GLIS3: variants seen among roughly 807,000 people sequenced by gnomAD.
GLIS3 encodes GLIS family zinc finger 3.
In GLIS3, 53 loss-of-function variants were observed where a neutral mutation model predicts 78.6. The observed-to-expected ratio is 0.67, with a 90% CI of 0.54 to 0.85. The LOEUF (loss-of-function observed/expected upper bound fraction) is 0.85, where lower values mean the gene tolerates loss of function less well. Ranked by LOEUF, GLIS3 falls within the 40% of genes least tolerant of loss-of-function variation. The pLI is 0.00. For synonymous variants in GLIS3, 684 were observed against 509.9 expected (o/e 1.34, Z -4.60); for missense variants, 1,703 against 1,231.1 (o/e 1.38, Z -5.74).
At chr9:4,313,680 C>T (rs1817397770) in intron 2 of GLIS3, among the ~76,000 whole-genome samples, 1 of 152,170 alleles carries the variant, frequency 6.6e-6, no homozygotes, top group East Asian at 1.9e-4. Context: ...TCCAAACACA[C>T]CTTGAGTTTT....
chr9:4,235,524 G>A (rs1454378880), intron 2 of GLIS3, among the ~76,000 whole-genome samples: 1 of 152,148 alleles, frequency 6.6e-6, no homozygotes, highest in African/African-American at 2.4e-5. Context: ...CTTTTGGTAA[G>A]TGCCAAACAG....
At chr9:3,829,027 G>T (rs938555838) in intron 10 of GLIS3, among the ~76,000 whole-genome samples, 2 of 152,094 alleles carry the variant, frequency 1.3e-5, no homozygotes, top group African/African-American at 4.8e-5. Flanking sequence ...TAGTATGGAG[G>T]GCAGAATGGT....
At chr9:3,972,600 G>T (rs1818461542) in intron 4 of GLIS3, among the ~76,000 whole-genome samples, 1 of 152,022 alleles carries the variant, frequency 6.6e-6, no homozygotes, top group Non-Finnish European at 1.5e-5. Context: ...TTATCATAGG[G>T]TTACATTTCA....
chr9:4,062,915 C>CGA (rs746912893), intron 4 of GLIS3, among the ~76,000 whole-genome samples: 1 of 149,842 alleles, frequency 6.7e-6, no homozygotes, highest in Non-Finnish European at 1.5e-5. Flanking sequence ...GGTGACTGAG[C>CGA]GAGACTCCAT....
At chr9:3,873,053 T>C (rs540475021) in intron 8 of GLIS3, among the ~76,000 whole-genome samples, 1 of 152,222 alleles carries the variant, frequency 6.6e-6, no homozygotes, top group East Asian at 1.9e-4. Flanking sequence ...ATAAAAAACC[T>C]GAACAGACCA....
At chr9:4,090,778 A>T (rs1379230576) in intron 4 of GLIS3, among the ~76,000 whole-genome samples, 2 of 152,200 alleles carry the variant, frequency 1.3e-5, no homozygotes, top group Non-Finnish European at 2.9e-5. Flanking sequence ...TAAACATAGC[A>T]CAAAACACAC....
At chr9:3,864,788 G>A (rs780436076) in intron 8 of GLIS3, among the ~76,000 whole-genome samples, 3 of 152,182 alleles carry the variant, frequency 2.0e-5, no homozygotes, top group Non-Finnish European at 4.4e-5. Context: ...TACACAATTA[G>A]TGAAGGGCGT....
At chr9:3,951,807 G>C (rs1383124189) in intron 4 of GLIS3, among the ~76,000 whole-genome samples, 1 of 148,964 alleles carries the variant, frequency 6.7e-6, no homozygotes, top group Non-Finnish European at 1.5e-5. Flanking sequence ...CCTCAACAGG[G>C]AAAAGAGGAG....
intron 2 of GLIS3, among the ~76,000 whole-genome samples, chr9:4,227,083 G>A (rs1184296948): frequency 2.0e-5 from 3 of 152,202 alleles, no homozygotes; most frequent in African/African-American, 7.2e-5. Flanking sequence ...GAATGACACA[G>A]CAGTTCTGGG....
chr9:4,439,193 T>C, the GLIS3 span, among the ~76,000 whole-genome samples: 1 of 152,216 alleles, frequency 6.6e-6, no homozygotes, highest in East Asian at 1.9e-4. Context: ...AAAATTTTTG[T>C]ATTCCAAAAG....
At chr9:4,176,398 G>A (rs187308951) in intron 2 of GLIS3, among the ~76,000 whole-genome samples, 355 of 152,006 alleles carry the variant, frequency 2.3e-3, no homozygotes, top group Non-Finnish European at 3.6e-3. Context: ...ATATTTTATA[G>A]GCAATTTTGC....
chr9:4,114,596 C>T (rs1586708908), intron 4 of GLIS3, among the ~76,000 whole-genome samples: 1 of 152,130 alleles, frequency 6.6e-6, no homozygotes, highest in Admixed American at 6.5e-5. Context: ...GATTCAGCAC[C>T]TAGAAAGTAC....
At chr9:4,163,553 G>A (rs1033708389) in intron 2 of GLIS3, among the ~76,000 whole-genome samples, 1 of 152,242 alleles carries the variant, frequency 6.6e-6, no homozygotes, top group African/African-American at 2.4e-5. Context: ...CAGGCAGTAA[G>A]ACCACATTTC....
chr9:4,071,631 G>A (rs1827623288), intron 4 of GLIS3: 1 of 152,106 alleles, frequency 6.6e-6, no homozygotes, highest in African/African-American at 2.4e-5. Flanking sequence ...AGCTTAAAAT[G>A]GCAGCTGCCA....
rs911085755 is a variant in GLIS3 at position 4,182,162 on chromosome 9, G to A, written c.389-56221C>T. On this transcript the variant is annotated intron_variant, in intron 2 of 10. Transcript: ENST00000381971. ...GTTTTTTCCTTTGGGGTTTGTTAAC[G>A]TTATTGTTCATTTTGATCTGAGTTT... is the stretch of plus-strand genomic sequence containing the variant. Among the ~76,000 whole-genome samples the A allele has an allele frequency of 3.9e-5, 6 of 152,216 alleles. No individual in the cohort carries two copies. The East Asian group carries it at 5.8e-4, about 15-fold the overall frequency.
At chr9:3,856,343 C>T (rs533546641) in intron 8 of GLIS3, among the ~76,000 whole-genome samples, 159 bp from the exon 9 acceptor site, 52 of 152,284 alleles carry the variant, frequency 3.4e-4, no homozygotes, top group Non-Finnish European at 6.0e-4. Flanking sequence ...TCTACCCTCT[C>T]TCCCTCCCCA....
the GLIS3 span, among the ~76,000 whole-genome samples, chr9:4,474,985 A>ATTTTTTTTTTTTTTTT: frequency 6.1e-5 from 7 of 114,488 alleles, 2 homozygotes; most frequent in African/African-American, 1.7e-4. Context: ...GACTATGTTA[A>ATTTTTTTTTTTTTTTT]TTTTTTTTTC....
the GLIS3 span, among the ~76,000 whole-genome samples, chr9:4,357,694 T>A: frequency 6.6e-6 from 1 of 152,168 alleles, no homozygotes; most frequent in Non-Finnish European, 1.5e-5. Context: ...GGGGATTAGG[T>A]ATCAAAATTT....
intron 2 of GLIS3, among the ~76,000 whole-genome samples, chr9:4,129,183 A>G (rs975640445): frequency 2.6e-5 from 4 of 152,200 alleles, no homozygotes; most frequent in Non-Finnish European, 2.9e-5. Context: ...CTATACCTCC[A>G]GACTTCTCAG....
Sources: allele counts gnomAD v4.1 joint callset (sites outside exome capture counted in the v4.1 genomes callset), GRCh38; gene constraint gnomAD v4.1.1; transcripts MANE v1.5; gene names NCBI Gene and HGNC (gene_info 2026-07-23, HGNC 2026-07-21).